Variants in ADAM22 observed in about 807,000 individuals in gnomAD.
ADAM22 encodes the protein ADAM metallopeptidase domain 22.
A neutral mutation model predicts 144.6 loss-of-function variants in ADAM22; 65 were observed. The observed-to-expected ratio is 0.45, with a 90% confidence interval of 0.37 to 0.55. The LOEUF (loss-of-function observed/expected upper bound fraction) is 0.55, where lower values mean the gene tolerates loss of function less well. ADAM22 is among the 20% of genes least tolerant of loss of function. The probability of loss-of-function intolerance (pLI) is 0.00; values close to 1 mark genes in which losing one functional copy is unlikely to be tolerated. For missense variants in ADAM22, 974 were observed against 1,184.9 expected (o/e 0.82, Z 2.61); for synonymous variants, 391 against 412.6 (o/e 0.95, Z 0.63).
intron 22 of ADAM22, among the ~76,000 whole-genome samples, chr7:88,158,753 A>G (rs1439113532): frequency 2.0e-5 from 3 of 152,160 alleles, no homozygotes; most frequent in Non-Finnish European, 1.5e-5. Flanking sequence ...GGACACAGCT[A>G]AGGCAGTGTT....
chr7:87,946,906 C>T (rs1843818458), intron 2 of ADAM22, among the ~76,000 whole-genome samples: 1 of 152,140 alleles, frequency 6.6e-6, no homozygotes, highest in African/African-American at 2.4e-5. Context: ...TTTGCAGCCA[C>T]ACAGATGTGG....
At chr7:88,095,582 C>T (rs1416565507) in intron 4 of ADAM22, among the ~76,000 whole-genome samples, 1 of 152,148 alleles carries the variant, frequency 6.6e-6, no homozygotes, top group South Asian at 2.1e-4. Flanking sequence ...CACAGAGGCT[C>T]ACATTCATGC....
chr7:88,065,422 C>A (rs1810983059), intron 3 of ADAM22, among the ~76,000 whole-genome samples: 1 of 151,916 alleles, frequency 6.6e-6, no homozygotes, highest in African/African-American at 2.4e-5. Flanking sequence ...TTCTAAAATA[C>A]ATTTCAAAAT....
At position 87,954,836 on chromosome 7, in the gene ADAM22, T is replaced by G. The variant is rs149796028; in HGVS notation, c.246+19650T>G. On this transcript the variant is annotated intron_variant, in intron 2 of 31. Transcript: ENST00000413139. ...GTCCCATATTTCTTGGAGGCTTTGC[T>G]CATTTCTTTTTATTCTTTTTTCTCT... Among the ~76,000 whole-genome samples the G allele has an allele frequency of 4.8e-3, 730 of 152,338 alleles. 9 individuals are homozygous for G. Among genetic ancestry groups the G allele is most frequent in the East Asian group, 0.045 (231 of 5,184 alleles).
intron 29 of ADAM22, among the ~76,000 whole-genome samples, chr7:88,183,015 T>C (rs1326730218): frequency 1.1e-4 from 16 of 152,200 alleles, no homozygotes; most frequent in Non-Finnish European, 2.9e-5. Flanking sequence ...CCCTGCCTTT[T>C]TCAGTCCAGG....
intron 3 of ADAM22, among the ~76,000 whole-genome samples, chr7:88,075,001 C>A (rs1003362290): frequency 1.3e-5 from 2 of 151,966 alleles, no homozygotes; most frequent in African/African-American, 4.8e-5. Context: ...AAATATTTTA[C>A]GGAAGTTGTG....
chr7:88,124,459 G>A (rs942104050), intron 7 of ADAM22, among the ~76,000 whole-genome samples: 1 of 151,208 alleles, frequency 6.6e-6, no homozygotes, highest in African/African-American at 2.4e-5. Context: ...TTTGTAAGGT[G>A]TATCTTCTTC....
intron 14 of ADAM22, among the ~76,000 whole-genome samples, chr7:88,139,741 G>A (rs1321845779): frequency 2.7e-5 from 4 of 147,272 alleles, no homozygotes; most frequent in Non-Finnish European, 4.4e-5. Context: ...TCCCTGAGCT[G>A]GAGGCTGTGT....
At chr7:88,105,876 A>G (rs992121130) in intron 4 of ADAM22, among the ~76,000 whole-genome samples, 3 of 152,194 alleles carry the variant, frequency 2.0e-5, no homozygotes, top group African/African-American at 7.2e-5. Flanking sequence ...AGTAATTATA[A>G]TAGCAGCAAA....
At chr7:88,153,506 G>A (rs540954962) in intron 21 of ADAM22, among the ~76,000 whole-genome samples, 180 bp downstream of exon 21, 1 of 152,218 alleles carries the variant, frequency 6.6e-6, no homozygotes, top group South Asian at 2.1e-4. Flanking sequence ...TTGAACATGT[G>A]TGCTCACCTC....
chr7:88,067,512 G>A (rs140820687), intron 3 of ADAM22, among the ~76,000 whole-genome samples: 386 of 151,238 alleles, frequency 2.6e-3, no homozygotes, highest in African/African-American at 9.0e-3. Flanking sequence ...TAGCATATTT[G>A]TAGACTGTTA....
At chr7:88,115,937 A>G (rs1170332879) in intron 6 of ADAM22, among the ~76,000 whole-genome samples, 1 of 152,238 alleles carries the variant, frequency 6.6e-6, no homozygotes, top group Non-Finnish European at 1.5e-5. Context: ...ATACACTTTC[A>G]TTCTAGCTCT....
At chr7:87,962,913 T>C (rs1562865293) in intron 2 of ADAM22, among the ~76,000 whole-genome samples, 1 of 152,208 alleles carries the variant, frequency 6.6e-6, no homozygotes, top group Non-Finnish European at 1.5e-5. Flanking sequence ...ATAGGAAATT[T>C]GTCTCGAAGA....
chr7:88,077,908 C>CT (rs1815118146), intron 4 of ADAM22, among the ~76,000 whole-genome samples: 1 of 152,238 alleles, frequency 6.6e-6, no homozygotes, highest in Admixed American at 6.5e-5. Context: ...GTAGGCTCCA[C>CT]CTCTGGGGGC....
At chr7:87,935,331 G>A in intron 2 of ADAM22, 145 bp downstream of exon 2, 1 of 976,568 alleles carries the variant, frequency 1.0e-6, no homozygotes, top group Non-Finnish European at 1.5e-6. Context: ...GGCGCTCCCT[G>A]TGCAAAAAAG....
intron 5 of ADAM22, among the ~76,000 whole-genome samples, chr7:88,108,979 C>T (rs1825285292): frequency 6.6e-6 from 1 of 152,112 alleles, no homozygotes; most frequent in African/African-American, 2.4e-5. Context: ...TTTGGGTTAA[C>T]TTTGGTGTCT....
At chr7:88,156,213 T>A (rs1839919216) in intron 22 of ADAM22, among the ~76,000 whole-genome samples, 1 of 151,822 alleles carries the variant, frequency 6.6e-6, no homozygotes, top group Non-Finnish European at 1.5e-5. Flanking sequence ...ATTACTAGAG[T>A]TAGGTTTAGA....
At chr7:88,050,085 A>G (rs1030337301) in intron 3 of ADAM22, among the ~76,000 whole-genome samples, 1 of 151,920 alleles carries the variant, frequency 6.6e-6, no homozygotes, top group Non-Finnish European at 1.5e-5. Flanking sequence ...AAAGATTTAT[A>G]AAGAATTAAA....
intron 3 of ADAM22, among the ~76,000 whole-genome samples, chr7:88,052,364 C>T (rs911808119): frequency 6.7e-6 from 1 of 150,322 alleles, no homozygotes; most frequent in African/African-American, 2.4e-5. Context: ...AAAAAATTAG[C>T]CTGGCGTGGT....
Sources: gnomAD v4.1 joint callset for allele counts (sites outside exome capture counted in the v4.1 genomes callset) on GRCh38, gnomAD v4.1.1 for gene constraint, MANE v1.5 for transcripts, NCBI Gene and HGNC (gene_info 2026-07-23, HGNC 2026-07-21) for gene names.